Variants in GLDC observed in about 807,000 individuals in gnomAD.
GLDC encodes the protein glycine dehydrogenase (decarboxylating), mitochondrial.
A neutral mutation model predicts 121.3 loss-of-function variants in GLDC; 104 were observed. The observed-to-expected ratio is 0.86, with a 90% CI of 0.73 to 1.01. GLDC has a LOEUF of 1.01. Among genes scored for constraint, GLDC ranks in the 50% least tolerant of loss-of-function variants. The probability of loss-of-function intolerance (pLI) is 0.00; values close to 1 mark genes in which losing one functional copy is unlikely to be tolerated. For synonymous variants in GLDC, 546 were observed against 480.6 expected (o/e 1.14, Z -1.78); for missense variants, 1,429 against 1,306.6 (o/e 1.09, Z -1.44).
chr9:6,625,475 C>T (rs960251027), intron 2 of GLDC, among the ~76,000 whole-genome samples: 4 of 152,176 alleles, frequency 2.6e-5, no homozygotes, highest in South Asian at 2.1e-4. Context: ...GTTACTGAAA[C>T]CAACAGTCCT....
intron 21 of GLDC, among the ~76,000 whole-genome samples, chr9:6,543,685 T>A (rs941979649): frequency 6.6e-6 from 1 of 152,186 alleles, no homozygotes; most frequent in Admixed American, 6.5e-5. Flanking sequence ...TTCAACTTGG[T>A]GGCTGTCAGA....
Position 6,606,696 on chromosome 9 carries a change from A to T in GLDC, c.636-27T>A, listed in dbSNP as rs1375358655. 8 of 1,297,708 alleles carry T rather than the reference A, an allele frequency of 6.2e-6. No homozygotes were observed. The Admixed American group carries it at 1.2e-4, about 19-fold the overall frequency. 80.4% of individuals were successfully genotyped at this position (1,297,708 alleles called of 1,614,324 possible). A position where few individuals can be genotyped will look rare whatever the true frequency, so the allele number is the denominator to read the frequency against. ...TGTTGAAAAGAAAAAGCACATTCCA[A>T]CGTGAACATTAAATAAATAGGACTA... On this transcript the variant is annotated intron_variant, in intron 4 of 24. Coordinates refer to ENST00000321612, the MANE Select transcript of GLDC (RefSeq NM_000170.3).
chr9:6,555,779 G>A (rs894763650), intron 18 of GLDC, among the ~76,000 whole-genome samples: 4 of 151,996 alleles, frequency 2.6e-5, no homozygotes, highest in Non-Finnish European at 4.4e-5. Flanking sequence ...GCGACAGAGT[G>A]AGACTCCATC....
intron 2 of GLDC, among the ~76,000 whole-genome samples, chr9:6,622,197 A>G (rs1014130481): frequency 8.0e-6 from 1 of 125,606 alleles, no homozygotes; most frequent in Non-Finnish European, 1.7e-5. Flanking sequence ...CACACTCCGC[A>G]CTCCACATGC....
chr9:6,634,681 A>T (rs1189616948), intron 2 of GLDC, among the ~76,000 whole-genome samples: 1 of 152,148 alleles, frequency 6.6e-6, no homozygotes, highest in East Asian at 1.9e-4. Context: ...GGGCAGCTGT[A>T]GCTCCAGGAC....
At chr9:6,571,995 C>T (rs1372210261) in intron 15 of GLDC, among the ~76,000 whole-genome samples, 1 of 152,110 alleles carries the variant, frequency 6.6e-6, no homozygotes, top group Non-Finnish European at 1.5e-5. Flanking sequence ...ACTTAGACAT[C>T]CATAGGCACA....
chr9:6,634,217 ACT>A (rs1563872215), intron 2 of GLDC, among the ~76,000 whole-genome samples: 1 of 151,506 alleles, frequency 6.6e-6, no homozygotes, highest in Non-Finnish European at 1.5e-5. Flanking sequence ...ACAGAGTAAG[ACT>A]CTGTCTCAAA....
intron 2 of GLDC, among the ~76,000 whole-genome samples, chr9:6,622,157 CAG>C (rs369856661): frequency 1.7e-4 from 19 of 112,646 alleles, no homozygotes; most frequent in Admixed American, 1.1e-3. Context: ...CACACACACA[CAG>C]ACACACACAC....
chr9:6,553,232 T>C (rs546180913), intron 20 of GLDC, 136 bp downstream of exon 20: 2 of 765,846 alleles, frequency 2.6e-6, no homozygotes, highest in African/African-American at 1.7e-5. Context: ...ACCCAGGCCA[T>C]CAGCAATATT....
At chr9:6,552,051 A>G (rs895175782) in intron 20 of GLDC, among the ~76,000 whole-genome samples, 2 of 152,222 alleles carry the variant, frequency 1.3e-5, no homozygotes, top group Admixed American at 6.5e-5. Flanking sequence ...AGAACCAGGT[A>G]AAGCAACAGG....
intron 2 of GLDC, among the ~76,000 whole-genome samples, chr9:6,624,473 A>C (rs1350177966): frequency 1.3e-5 from 2 of 152,200 alleles, no homozygotes; most frequent in Non-Finnish European, 2.9e-5. Flanking sequence ...GGAGAGAGGC[A>C]GGGAACTGAT....
chr9:6,608,812 A>G (rs1818791733), intron 4 of GLDC, among the ~76,000 whole-genome samples: 1 of 152,048 alleles, frequency 6.6e-6, no homozygotes, highest in Admixed American at 6.5e-5. Flanking sequence ...AATTTTTTAA[A>G]AAAAGAGGGA....
At chr9:6,549,432 G>A (rs1205802738) in intron 21 of GLDC, among the ~76,000 whole-genome samples, 3 of 152,184 alleles carry the variant, frequency 2.0e-5, no homozygotes, top group Non-Finnish European at 4.4e-5. Flanking sequence ...GGGCCAGGCA[G>A]GGGTGTTGAG....
At chr9:6,607,269 C>G (rs1587962393) in intron 4 of GLDC, among the ~76,000 whole-genome samples, 1 of 151,768 alleles carries the variant, frequency 6.6e-6, no homozygotes, top group Non-Finnish European at 1.5e-5. Context: ...GAAAATAAAG[C>G]AAAGGACAGT....
rs376367977 is a variant in GLDC at position 6,578,260 on chromosome 9, C to T, written c.1850+8881G>A. Among the ~76,000 whole-genome samples the T allele has an allele frequency of 4.0e-5, 6 of 151,856 alleles. 1 individual carries two copies. In the East Asian group the frequency reaches 7.8e-4, roughly 20 times the overall value. Reference sequence around the variant, plus strand: ...TCAGCCTCCCAAGCAGCTGGGACCACAGATGCATGCCACCACACCTGGCTA... The same window carrying T: ...TCAGCCTCCCAAGCAGCTGGGACCATAGATGCATGCCACCACACCTGGCTA... On this transcript the variant is annotated intron_variant, in intron 15 of 24. Coordinates refer to ENST00000321612, the MANE Select transcript of GLDC (RefSeq NM_000170.3).
chr9:6,644,212 C>T (rs560145766), intron 2 of GLDC, among the ~76,000 whole-genome samples: 1 of 151,822 alleles, frequency 6.6e-6, no homozygotes, highest in African/African-American at 2.4e-5. Flanking sequence ...CTGGTCACTT[C>T]CCCAGTTGCA....
At chr9:6,568,378 A>G (rs1404213375) in intron 15 of GLDC, among the ~76,000 whole-genome samples, 1 of 152,236 alleles carries the variant, frequency 6.6e-6, no homozygotes, top group Non-Finnish European at 1.5e-5. Context: ...TACATAACCC[A>G]GACTAAGCAA....
In GLDC at chr9:6,536,180, T is replaced by C. The variant is rs1392831652; in HGVS notation, c.2722A>G (p.Thr908Ala). ...PVAGTLMVEPTESEDKAELDR... is the reference protein window; with the variant it reads ...PVAGTLMVEPAESEDKAELDR... ...AGCTCTGCCTTGTCCTCCGACTCAG[T>C]GGGCTCCACCATGAGGGTCCCTGCC... is the stretch of plus-strand genomic sequence containing the variant. The change falls in exon 23 of 25, where the codon ACT becomes GCT. Residue 908 changes from threonine to alanine, a missense_variant. By Grantham distance (58) the Thr-to-Ala change is moderately conservative. Transcript: ENST00000321612. 1 of 1,614,046 alleles carries C rather than the reference T, an allele frequency of 6.2e-7. No homozygotes were observed. The highest frequency in any genetic ancestry group is 8.5e-7 in the Non-Finnish European group (1 of 1,179,974).
intron 15 of GLDC, among the ~76,000 whole-genome samples, chr9:6,572,787 A>G (rs2129783741): frequency 6.6e-6 from 1 of 152,276 alleles, no homozygotes; most frequent in South Asian, 2.1e-4. Context: ...GAACTGCCCA[A>G]TAACTTCCCT....
Sources: gnomAD v4.1 joint callset for allele counts (sites outside exome capture counted in the v4.1 genomes callset) on GRCh38, gnomAD v4.1.1 for gene constraint, MANE v1.5 for transcripts, NCBI Gene and HGNC (gene_info 2026-07-23, HGNC 2026-07-21) for gene names.